Variants in NTAQ1 observed in about 807,000 individuals in gnomAD.
The protein encoded by NTAQ1 is protein N-terminal glutamine amidohydrolase.
A neutral mutation model predicts 28.2 loss-of-function variants in NTAQ1; 21 were observed. The ratio of observed to expected loss-of-function variants is 0.74; its 90% CI spans 0.53 to 1.07. The LOEUF (loss-of-function observed/expected upper bound fraction) is 1.07, where lower values mean the gene tolerates loss of function less well. NTAQ1 is among the 50% of genes least tolerant of loss of function. The pLI is 0.00. For synonymous variants in NTAQ1, 105 were observed against 90.0 expected (o/e 1.17, Z -0.94); for missense variants, 264 against 256.6 (o/e 1.03, Z -0.20).
intron 5 of NTAQ1, chr8:123,438,179 G>T (rs1483519595): frequency 1.1e-5 from 8 of 701,912 alleles, no homozygotes; most frequent in Non-Finnish European, 2.1e-5. Context: ...AAGATAAAGG[G>T]TCCTTCACCC....
intron 3 of NTAQ1, among the ~76,000 whole-genome samples, chr8:123,433,767 G>C (rs770194423): frequency 1.3e-5 from 2 of 152,080 alleles, no homozygotes; most frequent in Admixed American, 6.6e-5. Context: ...CTTTTAAAAG[G>C]GTTGATCATT....
intron 3 of NTAQ1, among the ~76,000 whole-genome samples, chr8:123,434,451 AC>A (rs1402735898): frequency 6.6e-6 from 1 of 151,938 alleles, no homozygotes; most frequent in African/African-American, 2.4e-5. Flanking sequence ...ACATGGTGAA[AC>A]CCCATCTCTA....
chr8:123,459,850 G>C (rs987179966), intron 6 of NTAQ1, among the ~76,000 whole-genome samples: 2 of 136,756 alleles, frequency 1.5e-5, no homozygotes, highest in African/African-American at 5.6e-5. Flanking sequence ...TGCCCAGGCT[G>C]GAGTGCAATG....
intron 5 of NTAQ1, chr8:123,438,017 C>A (rs1586949542): frequency 3.4e-6 from 2 of 589,976 alleles, no homozygotes; most frequent in East Asian, 5.7e-5. Context: ...AAGAAATCCC[C>A]ATTGCATCCT....
rs992430504 is a variant in NTAQ1, at chr8:123,442,221, G to A, written c.*806G>A. The A allele has an allele frequency of 2.0e-5, 3 of 152,126 alleles. No individual in the cohort carries two copies. The highest frequency in any genetic ancestry group is 1.3e-4 in the Admixed American group (2 of 15,258). The allele number at this position is 152,126 out of a possible 1,614,324, so 9.4% of individuals were successfully genotyped here. A position where few individuals can be genotyped will look rare whatever the true frequency, so the allele number is the denominator to read the frequency against. The stretch of plus-strand genomic sequence containing the variant: ...ATTGGCATATAGTACCAGCTCTCAT[G>A]TTTTCATGATTCTACTTTAAAAATG... On this transcript the variant is annotated 3_prime_UTR_variant, in exon 6 of 6. Transcript: ENST00000287387.
At chr8:123,451,812 C>T (rs1483444501), downstream of NTAQ1, among the ~76,000 whole-genome samples, 1 of 152,186 alleles carries the variant, frequency 6.6e-6, no homozygotes, top group Admixed American at 6.5e-5. Context: ...AACATCAAGT[C>T]CGCCACTCCA....
intron 6 of NTAQ1, among the ~76,000 whole-genome samples, chr8:123,456,277 A>G (rs1168705010): frequency 6.6e-6 from 1 of 152,094 alleles, no homozygotes; most frequent in Non-Finnish European, 1.5e-5. Flanking sequence ...TATATATTGC[A>G]AGGATTTTTG....
chr8:123,429,989 A>T lies in NTAQ1; in HGVS notation c.190A>T (p.Ile64Phe), dbSNP rs777436352. 5 of 1,612,004 alleles carry T rather than the reference A, an allele frequency of 3.1e-6. No homozygotes were observed. The African/African-American group carries it at 5.4e-5, about 17-fold the overall frequency. Residue 64 changes from isoleucine (I) to phenylalanine (F), a missense_variant, in exon 3 of 6, where the codon ATC becomes TTC. Physicochemically the swap from Ile to Phe is conservative, Grantham distance 21. Transcript: ENST00000287387. The stretch of plus-strand genomic sequence containing the variant: ...AATGTATTGTATTTTGTAGATACCT[A>T]TCTGGAAACAACAGGCGAGACCTGG... The part of the protein sequence containing the change: ...FISNERKMIP[I>F]WKQQARPGDG...
At chr8:123,457,011 T>C (rs1178497227) in intron 6 of NTAQ1, among the ~76,000 whole-genome samples, 3 of 152,186 alleles carry the variant, frequency 2.0e-5, no homozygotes. Flanking sequence ...ATGAAATGTT[T>C]ATGTTTCTTA....
chr8:123,466,245 CA>C (rs2130438682), intron 6 of NTAQ1, among the ~76,000 whole-genome samples: 1 of 152,290 alleles, frequency 6.6e-6, no homozygotes, highest in Admixed American at 6.5e-5. Context: ...GCCCAGTGAG[CA>C]GGAAGTCAGC....
downstream of NTAQ1, among the ~76,000 whole-genome samples, chr8:123,444,712 T>C (rs548219434): frequency 5.9e-5 from 9 of 152,294 alleles, no homozygotes; most frequent in East Asian, 1.7e-3. Context: ...GGTTTCACCG[T>C]GTTAGCCAGG....
intron 2 of NTAQ1, among the ~76,000 whole-genome samples, 200 bp from the exon 3 acceptor site, chr8:123,429,783 G>C (rs1168271911): frequency 6.6e-6 from 1 of 151,366 alleles, no homozygotes; most frequent in Non-Finnish European, 1.5e-5. Context: ...GGGAAACTGA[G>C]GCAGGAGAAT....
At chr8:123,435,551 T>G (rs748548345) in intron 3 of NTAQ1, 227 of 983,724 alleles carry the variant, frequency 2.3e-4, no homozygotes, top group Non-Finnish European at 2.6e-4. Flanking sequence ...ACGTATGTCT[T>G]TATATACAGA....
At chr8:123,444,569 T>C (rs1280828302), downstream of NTAQ1, among the ~76,000 whole-genome samples, 1 of 152,144 alleles carries the variant, frequency 6.6e-6, no homozygotes, top group East Asian at 1.9e-4. Context: ...TGCAGTGGCA[T>C]GATCTTGGCT....
chr8:123,475,058 AAGAG>A, the NTAQ1 span, among the ~76,000 whole-genome samples: 14 of 152,188 alleles, frequency 9.2e-5, no homozygotes, highest in African/African-American at 2.7e-4. Flanking sequence ...ATTCTTCTCT[AAGAG>A]AGAGTTATTC....
At chr8:123,443,738 A>G (rs1263814009), downstream of NTAQ1, among the ~76,000 whole-genome samples, 2 of 152,206 alleles carry the variant, frequency 1.3e-5, no homozygotes, top group African/African-American at 2.4e-5. Context: ...GTGCCCAGCT[A>G]ATTTTTATAT....
At chr8:123,434,586 C>G (rs1814591299) in intron 3 of NTAQ1, among the ~76,000 whole-genome samples, 1 of 152,148 alleles carries the variant, frequency 6.6e-6, no homozygotes, top group East Asian at 1.9e-4. Flanking sequence ...GATTGTGCCA[C>G]TGTGCTCCAG....
At chr8:123,445,628 C>T (rs922952254), downstream of NTAQ1, among the ~76,000 whole-genome samples, 6 of 152,116 alleles carry the variant, frequency 3.9e-5, no homozygotes, top group African/African-American at 1.4e-4. Flanking sequence ...TTTTTTGAGA[C>T]AGAGTCGCAC....
At chr8:123,474,899 A>G (rs1816075600), downstream of NTAQ1, among the ~76,000 whole-genome samples, 1 of 152,232 alleles carries the variant, frequency 6.6e-6, no homozygotes, top group Admixed American at 6.5e-5. Flanking sequence ...AAACAAAAAC[A>G]AAAACAAAAC....
Sources: gnomAD v4.1 joint callset for allele counts (sites outside exome capture counted in the v4.1 genomes callset) on GRCh38, gnomAD v4.1.1 for gene constraint, MANE v1.5 for transcripts, NCBI Gene and HGNC (gene_info 2026-07-23, HGNC 2026-07-21) for gene names.